Variants in TP53I11 observed in about 807,000 individuals in gnomAD.
TP53I11 encodes the protein tumor protein p53-inducible protein 11.
In TP53I11, 9 loss-of-function variants were observed where a neutral mutation model predicts 23.3. That is an observed-to-expected ratio of 0.39 (90% confidence interval 0.23 to 0.67). The LOEUF is 0.67. Ranked by LOEUF, TP53I11 falls within the 30% of genes least tolerant of loss-of-function variation. The pLI is 0.48. For missense variants in TP53I11, 170 were observed against 255.2 expected (o/e 0.67, Z 2.27); for synonymous variants, 100 against 106.1 (o/e 0.94, Z 0.35).
At chr11:44,938,490 G>A (rs904958681) in intron 1 of TP53I11, 124 bp from the exon 2 acceptor site, 2 of 1,119,286 alleles carry the variant, frequency 1.8e-6, no homozygotes, top group Middle Eastern at 2.7e-4. Flanking sequence ...CACGAGCCCA[G>A]GGCAGTAGGG....
chr11:44,946,194 C>T (rs764214369), intron 1 of TP53I11, among the ~76,000 whole-genome samples: 10 of 152,184 alleles, frequency 6.6e-5, no homozygotes, highest in East Asian at 1.9e-4. Context: ...TTTATGAAAG[C>T]GGCTGCACTA....
chr11:44,943,452 T>C (rs1019313812), intron 1 of TP53I11, among the ~76,000 whole-genome samples: 75 of 152,300 alleles, frequency 4.9e-4, no homozygotes, highest in African/African-American at 1.7e-3. Context: ...ACATGGCTCC[T>C]AGGGCCCAGG....
intron 1 of TP53I11, among the ~76,000 whole-genome samples, chr11:44,948,756 CTG>C (rs1862626191): frequency 6.6e-6 from 1 of 152,260 alleles, no homozygotes; most frequent in African/African-American, 2.4e-5. Flanking sequence ...CAGCCCCAAA[CTG>C]TGTGACTATG....
At chr11:44,935,696 G>A (rs781011283) in intron 5 of TP53I11, 34 bp from the exon 6 acceptor site, 2 of 1,366,730 alleles carry the variant, frequency 1.5e-6, no homozygotes, top group South Asian at 2.4e-5. Context: ...GCTGGGGGTG[G>A]GACAGCTGAC....
At chr11:44,945,779 G>C (rs1402467895) in intron 1 of TP53I11, among the ~76,000 whole-genome samples, 1 of 152,184 alleles carries the variant, frequency 6.6e-6, no homozygotes. Flanking sequence ...CAGGCCCCCG[G>C]CCAGAGAGAA....
Position 44,934,921 on chromosome 11 carries a change from T to C in TP53I11, c.533A>G (p.Tyr178Cys). ...RLLFVVISIY[Y>C]YYQVGRRPKK... The stretch of plus-strand genomic sequence containing the variant: ...GGGTCTTCGGCCGACTTGGTAATAG[T>C]AGTAAATGCTGATGACGACAAAAAG... The change falls in exon 7 of 7, where the codon TAC (tyrosine) becomes TGC (cysteine). Residue 178 changes from tyrosine (Y) to cysteine (C), a missense_variant. By Grantham distance (194) the Tyr-to-Cys change is radical. Coordinates refer to ENST00000525680, the MANE Select transcript of TP53I11 (RefSeq NM_006034.5). 6.2e-7 allele frequency: 1 copy of C among 1,614,032 alleles called. No homozygotes were observed. The highest frequency in any genetic ancestry group is 8.5e-7 in the Non-Finnish European group (1 of 1,179,988).
intron 1 of TP53I11, among the ~76,000 whole-genome samples, chr11:44,947,600 C>T (rs1862515973): frequency 6.6e-6 from 1 of 152,200 alleles, no homozygotes; most frequent in African/African-American, 2.4e-5. Flanking sequence ...AGGGTCCCTG[C>T]CCTTTTCGCA....
At chr11:44,938,176 G>C (rs1386818242) in intron 2 of TP53I11, 31 bp downstream of exon 2, 5 of 1,600,690 alleles carry the variant, frequency 3.1e-6, no homozygotes, top group African/African-American at 1.3e-5. Flanking sequence ...CCTCCCCAGT[G>C]GGTGCCGGAG....
intron 4 of TP53I11, 193 bp downstream of exon 4, chr11:44,937,111 T>G: frequency 1.3e-6 from 1 of 786,930 alleles, no homozygotes; most frequent in Non-Finnish European, 2.1e-6. Flanking sequence ...CCACAAACCA[T>G]GGGATCTAGT....
chr11:44,935,762 A>G (rs1269162766), intron 5 of TP53I11, 100 bp from the exon 6 acceptor site: 2 of 817,020 alleles, frequency 2.4e-6, no homozygotes. Context: ...CTGCTGCAAG[A>G]CAGCTGGGGT....
chr11:44,943,032 G>A (rs1196595113), intron 1 of TP53I11: 2 of 152,322 alleles, frequency 1.3e-5, no homozygotes, highest in African/African-American at 4.8e-5. Flanking sequence ...TGGGGGCAGG[G>A]GACCTGGGTT....
intron 1 of TP53I11, 163 bp from the exon 2 acceptor site, chr11:44,938,529 G>A (rs1861422581): frequency 1.3e-6 from 1 of 799,220 alleles, no homozygotes; most frequent in Admixed American, 3.6e-5. Context: ...TTGTCAAATG[G>A]GTTGAGGAAA....
At chr11:44,946,399 TGAGCCAGTGGAGGGCG>T (rs1225985564) in intron 1 of TP53I11, among the ~76,000 whole-genome samples, 3 of 152,214 alleles carry the variant, frequency 2.0e-5, no homozygotes, top group Non-Finnish European at 4.4e-5. Context: ...AAGCAGATCC[TGAGCCAGTGGAGGGCG>T]GAGCTGCAGC....
In TP53I11 at chr11:44,932,396, G is replaced by A. The variant is rs1000653774; in HGVS notation, c.*2488C>T. 1 of 152,198 alleles carries A rather than the reference G, an allele frequency of 6.6e-6. No homozygotes were observed. Among genetic ancestry groups the A allele is most frequent in the Non-Finnish European group, 1.5e-5 (1 of 68,052 alleles). 9.4% of individuals were successfully genotyped at this position (152,198 alleles called of 1,614,324 possible). On this transcript the variant is annotated 3_prime_UTR_variant, in exon 7 of 7. Transcript: ENST00000525680. ...TGAATGTTTCTTACAAAAAGAAAAA[G>A]GAACAAAGAATAAATAGTGACCGTG...
In TP53I11 at chr11:44,934,782, G is replaced by T; in HGVS notation, c.*102C>A. On this transcript the variant is annotated 3_prime_UTR_variant, in exon 7 of 7. Coordinates refer to ENST00000525680, the MANE Select transcript of TP53I11 (RefSeq NM_006034.5). ...CCTGCCTCCCTGGGGCAGGACTGGG[G>T]CAGGGCAGGGGACCCTCCTGCCTTC... The T allele has an allele frequency of 1.3e-6, 2 of 1,516,572 alleles. No individual in the cohort carries two copies. The highest frequency in any genetic ancestry group is 1.8e-6 in the Non-Finnish European group (2 of 1,119,920). 93.9% of individuals were successfully genotyped at this position (1,516,572 alleles called of 1,614,324 possible). A position where few individuals can be genotyped will look rare whatever the true frequency, so the allele number is the denominator to read the frequency against.
chr11:44,950,362 G>A (rs906643618), intron 1 of TP53I11, among the ~76,000 whole-genome samples: 1 of 152,214 alleles, frequency 6.6e-6, no homozygotes, highest in East Asian at 1.9e-4. Context: ...CAGTCCAGGA[G>A]GAGGGCGACC....
intron 1 of TP53I11, 72 bp from the exon 2 acceptor site, chr11:44,938,438 A>G: frequency 7.0e-7 from 1 of 1,422,294 alleles, no homozygotes. Context: ...GGGCCTGACT[A>G]GCGGAAGGCC....
intron 1 of TP53I11, 26 bp downstream of exon 1, chr11:44,950,651 A>C (rs1299904396): frequency 2.6e-5 from 4 of 152,024 alleles, no homozygotes; most frequent in Non-Finnish European, 5.9e-5. Context: ...CGCGGCTCGG[A>C]AGCGGCGGCG....
chr11:44,936,573 T>C lies in TP53I11; in HGVS notation c.334+230A>G, dbSNP rs1034660155. On this transcript the variant is annotated intron_variant, in intron 5 of 6. Coordinates refer to ENST00000525680, the MANE Select transcript of TP53I11 (RefSeq NM_006034.5). This position sits in a 1 kb window ranked among gnomAD's most constrained non-coding sequence, Gnocchi z 4.4. Reference sequence around the variant, plus strand: ...AGTGCACACACTTATGAGCGCTCCTTGCAGATGGTGGCGACTGCAAGCTCC... The same window carrying C: ...AGTGCACACACTTATGAGCGCTCCTCGCAGATGGTGGCGACTGCAAGCTCC... 8 of 1,309,408 alleles carry C rather than the reference T, an allele frequency of 6.1e-6. No homozygotes were observed. Among genetic ancestry groups the C allele is most frequent in the Non-Finnish European group, 7.8e-6 (8 of 1,029,734 alleles). 81.1% of individuals were successfully genotyped at this position (1,309,408 alleles called of 1,614,324 possible).
Sources: allele counts gnomAD v4.1 joint callset (sites outside exome capture counted in the v4.1 genomes callset), GRCh38; gene constraint gnomAD v4.1.1; non-coding constraint Gnocchi (gnomAD v3.1); transcripts MANE v1.5; gene names NCBI Gene and HGNC (gene_info 2026-07-23, HGNC 2026-07-21).